The following DSCAML1 variants were observed in gnomAD, a reference collection of about 807,000 sequenced individuals.
DSCAML1 encodes DS cell adhesion molecule like 1.
In DSCAML1, 38 loss-of-function variants were observed where a neutral mutation model predicts 200.5. The observed-to-expected ratio is 0.19, with a 90% CI of 0.15 to 0.25. The LOEUF (loss-of-function observed/expected upper bound fraction) is 0.25. DSCAML1 is among the 10% of genes least tolerant of loss of function. The pLI, the probability that DSCAML1 is intolerant of heterozygous loss-of-function variation, is 1.00. For missense variants in DSCAML1, 2,223 were observed against 2,858.8 expected (o/e 0.78, Z 5.07); for synonymous variants, 1,215 against 1,165.0 (o/e 1.04, Z -0.87).
intron 1 of DSCAML1, among the ~76,000 whole-genome samples, chr11:117,790,352 C>T (rs1472593624): frequency 1.3e-5 from 2 of 152,364 alleles, no homozygotes; most frequent in East Asian, 3.9e-4. Flanking sequence ...CCCACTCCCA[C>T]TACCACTGGG....
At chr11:117,440,475 C>T (rs1424234683) in intron 21 of DSCAML1, among the ~76,000 whole-genome samples, 2 of 151,738 alleles carry the variant, frequency 1.3e-5, no homozygotes, top group Admixed American at 6.5e-5. Flanking sequence ...CTGAAGCTCA[C>T]GGCAGCTGTG....
intron 1 of DSCAML1, among the ~76,000 whole-genome samples, chr11:117,794,075 G>A (rs1321473776): frequency 2.0e-5 from 3 of 150,620 alleles, no homozygotes; most frequent in African/African-American, 7.3e-5. Flanking sequence ...CAGAATGTTG[G>A]AGATTTTCTT....
intron 17 of DSCAML1, among the ~76,000 whole-genome samples, chr11:117,462,604 C>T (rs756588624): frequency 8.5e-5 from 13 of 152,212 alleles, no homozygotes; most frequent in Non-Finnish European, 1.3e-4. Context: ...ATCATCCTAA[C>T]GATCCTCTTT....
chr11:117,512,761 T>TCTCACA (rs1491334147), intron 8 of DSCAML1, among the ~76,000 whole-genome samples: 1 of 113,090 alleles, frequency 8.8e-6, no homozygotes, highest in African/African-American at 3.6e-5. Flanking sequence ...TCCTCTAGGA[T>TCTCACA]CACACACACA....
chr11:117,639,242 TG>T (rs1257142026), intron 3 of DSCAML1, among the ~76,000 whole-genome samples: 1 of 141,282 alleles, frequency 7.1e-6, no homozygotes, highest in Non-Finnish European at 1.5e-5. Flanking sequence ...GCTGGATGGA[TG>T]GGAGGCTGGG....
At chr11:117,719,571 G>A (rs899723402) in intron 3 of DSCAML1, among the ~76,000 whole-genome samples, 1 of 152,266 alleles carries the variant, frequency 6.6e-6, no homozygotes, top group East Asian at 1.9e-4. Context: ...TTAAGAGTTT[G>A]TAGATGAGAT....
chr11:117,780,424 C>A lies in DSCAML1; in HGVS notation c.364+69G>T. ...GTGAACGACTTCTTGCAAGCCCCTC[C>A]GAATATCCTCAGAATGACGGCGCAG... On this transcript the variant is annotated intron_variant, in intron 2 of 32. Transcript: ENST00000651296. This position sits in a 1 kb window ranked among gnomAD's most constrained non-coding sequence, Gnocchi z 4.8. 7.5e-7 allele frequency: 1 copy of A among 1,336,952 alleles called. No homozygotes were observed. Among genetic ancestry groups the A allele is most frequent in the Non-Finnish European group, 9.8e-7 (1 of 1,024,430 alleles). The allele number at this position is 1,336,952 out of a possible 1,614,324, so 82.8% of individuals were successfully genotyped here.
At chr11:117,698,780 G>C (rs1278183130) in intron 3 of DSCAML1, among the ~76,000 whole-genome samples, 1 of 152,132 alleles carries the variant, frequency 6.6e-6, no homozygotes, top group African/African-American at 2.4e-5. Context: ...AAACCATGAT[G>C]TTTTTAGAAA....
At chr11:117,702,577 C>G (rs950112403) in intron 3 of DSCAML1, among the ~76,000 whole-genome samples, 1 of 152,038 alleles carries the variant, frequency 6.6e-6, no homozygotes, top group African/African-American at 2.4e-5. Flanking sequence ...TGATTTATTG[C>G]TCCCTGAAAA....
At chr11:117,763,278 G>A (rs1047037556) in intron 3 of DSCAML1, among the ~76,000 whole-genome samples, 1 of 151,938 alleles carries the variant, frequency 6.6e-6, no homozygotes, top group Non-Finnish European at 1.5e-5. Flanking sequence ...CCCAGAACAA[G>A]TAGATCAGGA....
At chr11:117,526,118 C>T (rs1027008203) in intron 4 of DSCAML1, among the ~76,000 whole-genome samples, 5 of 152,250 alleles carry the variant, frequency 3.3e-5, no homozygotes, top group Non-Finnish European at 7.3e-5. Flanking sequence ...GGTGTCCTGT[C>T]GGCCCTCTCA....
intron 3 of DSCAML1, among the ~76,000 whole-genome samples, chr11:117,720,301 T>C (rs974901029): frequency 6.6e-6 from 1 of 152,194 alleles, no homozygotes; most frequent in African/African-American, 2.4e-5. Context: ...CAGGAACTTC[T>C]AATTAAGGCT....
At chr11:117,764,319 A>C (rs938074888) in intron 3 of DSCAML1, among the ~76,000 whole-genome samples, 2 of 152,232 alleles carry the variant, frequency 1.3e-5, no homozygotes, top group Admixed American at 6.5e-5. Context: ...GAACACATCT[A>C]TGTACCTATT....
chr11:117,742,030 T>C (rs2137842547), intron 3 of DSCAML1, among the ~76,000 whole-genome samples: 1 of 152,238 alleles, frequency 6.6e-6, no homozygotes, highest in South Asian at 2.1e-4. Context: ...AGACATCTCC[T>C]CTCCTCAGCT....
intron 3 of DSCAML1, among the ~76,000 whole-genome samples, chr11:117,628,817 A>G (rs559649127): frequency 6.6e-6 from 1 of 152,308 alleles, no homozygotes; most frequent in South Asian, 2.1e-4. Context: ...TAGAAACCAG[A>G]TGGCTCAATC....
intron 8 of DSCAML1, among the ~76,000 whole-genome samples, chr11:117,508,108 C>G (rs1045282839): frequency 6.6e-6 from 1 of 152,148 alleles, no homozygotes; most frequent in Admixed American, 6.5e-5. Context: ...CCAGATGTGC[C>G]GCCCAGTTTG....
At chr11:117,687,306 G>A (rs751243901) in intron 3 of DSCAML1, among the ~76,000 whole-genome samples, 3 of 152,074 alleles carry the variant, frequency 2.0e-5, no homozygotes, top group Non-Finnish European at 4.4e-5. Flanking sequence ...TGTAACCCAG[G>A]CTGGAGTGCA....
intron 2 of DSCAML1, among the ~76,000 whole-genome samples, chr11:117,778,102 G>A (rs2055164713): frequency 6.6e-6 from 1 of 152,210 alleles, no homozygotes; most frequent in African/African-American, 2.4e-5. Flanking sequence ...TTAATTGACT[G>A]TGTTTCCAGT....
At chr11:117,737,778 C>T (rs2054346104) in intron 3 of DSCAML1, among the ~76,000 whole-genome samples, 1 of 152,200 alleles carries the variant, frequency 6.6e-6, no homozygotes, top group Non-Finnish European at 1.5e-5. Context: ...TGAAGAGTTG[C>T]AGGCTTCCAT....
Sources: gnomAD v4.1 joint callset for allele counts (sites outside exome capture counted in the v4.1 genomes callset) on GRCh38, gnomAD v4.1.1 for gene constraint, Gnocchi (gnomAD v3.1) non-coding constraint, MANE v1.5 for transcripts, NCBI Gene and HGNC (gene_info 2026-07-23, HGNC 2026-07-21) for gene names.